Variants in RAPGEF4 observed in about 807,000 individuals in gnomAD.
RAPGEF4 encodes Rap guanine nucleotide exchange factor 4.
Under a neutral mutation model 147.9 loss-of-function variants are expected in RAPGEF4, and 66 were observed. That is an observed-to-expected ratio of 0.45 (90% CI 0.37 to 0.55). RAPGEF4 has a LOEUF of 0.55. Among genes scored for constraint, RAPGEF4 ranks in the 20% least tolerant of loss-of-function variants. The pLI, the probability that RAPGEF4 is intolerant of heterozygous loss-of-function variation, is 0.00. For synonymous variants in RAPGEF4, 419 were observed against 442.7 expected (o/e 0.95, Z 0.67); for missense variants, 1,071 against 1,257.3 (o/e 0.85, Z 2.24).
intron 30 of RAPGEF4, among the ~76,000 whole-genome samples, chr2:173,050,654 G>A (rs115253606): frequency 0.038 from 5,766 of 151,894 alleles, 164 homozygotes; most frequent in South Asian, 0.057. Context: ...CAGAGGTGTT[G>A]GGTCTAAAGA....
chr2:172,796,788 G>A (rs1479632211), intron 2 of RAPGEF4, among the ~76,000 whole-genome samples: 1 of 152,128 alleles, frequency 6.6e-6, no homozygotes, highest in Non-Finnish European at 1.5e-5. Flanking sequence ...TGAGTTACTT[G>A]ACCTCTGACT....
At chr2:172,996,852 A>G (rs1026072072) in intron 16 of RAPGEF4, among the ~76,000 whole-genome samples, 6 of 152,162 alleles carry the variant, frequency 3.9e-5, no homozygotes, top group African/African-American at 1.2e-4. Context: ...ATAGGCATCT[A>G]TTGGGTTTAT....
intron 6 of RAPGEF4, among the ~76,000 whole-genome samples, chr2:172,934,075 T>C (rs1686266449): frequency 1.3e-5 from 2 of 152,012 alleles, no homozygotes; most frequent in African/African-American, 4.8e-5. Flanking sequence ...GTCACAAATT[T>C]CTAATTAATA....
intron 11 of RAPGEF4, among the ~76,000 whole-genome samples, chr2:172,984,575 C>T (rs1203571313): frequency 6.6e-6 from 1 of 152,218 alleles, no homozygotes; most frequent in Non-Finnish European, 1.5e-5. Context: ...TCCAGCCCAG[C>T]CTCCCACCTA....
At chr2:173,026,786 T>C in intron 24 of RAPGEF4, 89 bp downstream of exon 24, 1 of 1,501,468 alleles carries the variant, frequency 6.7e-7, no homozygotes. Context: ...TAATATGTGC[T>C]ACAATATGGA....
At chr2:172,783,959 G>A (rs2149517348) in intron 1 of RAPGEF4, among the ~76,000 whole-genome samples, 1 of 152,252 alleles carries the variant, frequency 6.6e-6, no homozygotes, top group East Asian at 1.9e-4. Flanking sequence ...TGAGTTTAAG[G>A]AGATTTTACA....
At chr2:172,968,083 T>C (rs1262823877) in intron 10 of RAPGEF4, among the ~76,000 whole-genome samples, 1 of 152,196 alleles carries the variant, frequency 6.6e-6, no homozygotes. Flanking sequence ...AGAAAGAATG[T>C]ATTATTAAGC....
chr2:173,025,361 A>G (rs1696557401), intron 23 of RAPGEF4, among the ~76,000 whole-genome samples: 1 of 152,238 alleles, frequency 6.6e-6, no homozygotes, highest in African/African-American at 2.4e-5. Flanking sequence ...GATGAAAATG[A>G]TGATGGAACT....
At chr2:172,881,364 C>T (rs748526454) in intron 4 of RAPGEF4, among the ~76,000 whole-genome samples, 7 of 152,162 alleles carry the variant, frequency 4.6e-5, no homozygotes, top group East Asian at 1.9e-4. Flanking sequence ...ATGAATAAGG[C>T]GAATGCTTTT....
chr2:173,052,418 G>A lies in RAPGEF4; in HGVS notation c.*651G>A, dbSNP rs1448365999. ...GTAACTTTTCAAAATTTACAAATCAGGATTATATACATAAGAATTCCACTA... is the reference window on the plus strand; with the variant it reads ...GTAACTTTTCAAAATTTACAAATCAAGATTATATACATAAGAATTCCACTA... On this transcript the variant is annotated 3_prime_UTR_variant, in exon 31 of 31. Coordinates refer to ENST00000397081, the MANE Select transcript of RAPGEF4 (RefSeq NM_007023.4). 6.6e-6 allele frequency: 1 copy of A among 152,542 alleles called. No individual in the cohort carries two copies. The highest frequency in any genetic ancestry group is 1.5e-5 in the Non-Finnish European group (1 of 68,016). 9.4% of individuals were successfully genotyped at this position (152,542 alleles called of 1,614,324 possible). A position where few individuals can be genotyped will look rare whatever the true frequency, so the allele number is the denominator to read the frequency against.
chr2:172,895,930 A>T (rs939776992), intron 4 of RAPGEF4, among the ~76,000 whole-genome samples: 1 of 152,224 alleles, frequency 6.6e-6, no homozygotes, highest in Non-Finnish European at 1.5e-5. Context: ...TTACATTCCC[A>T]TTGCCCTGGC....
At chr2:172,919,959 C>T (rs909868733) in intron 5 of RAPGEF4, among the ~76,000 whole-genome samples, 1 of 152,124 alleles carries the variant, frequency 6.6e-6, no homozygotes, top group Non-Finnish European at 1.5e-5. Context: ...TCTGCAGCCA[C>T]CTGGCCTTGG....
chr2:173,024,294 T>C (rs1326105593), intron 23 of RAPGEF4, among the ~76,000 whole-genome samples: 1 of 139,442 alleles, frequency 7.2e-6, no homozygotes, highest in African/African-American at 2.5e-5. Flanking sequence ...CTCGGCTCAC[T>C]GCAAGCTCCG....
intron 9 of RAPGEF4, 51 bp downstream of exon 9, chr2:172,965,734 T>C: frequency 4.3e-6 from 7 of 1,611,234 alleles, no homozygotes; most frequent in Non-Finnish European, 5.1e-6. Flanking sequence ...CTAAGTGCAT[T>C]TCCCTGGGTA....
chr2:172,758,279 G>A (rs182069412), intron 1 of RAPGEF4, among the ~76,000 whole-genome samples: 4 of 152,240 alleles, frequency 2.6e-5, no homozygotes, highest in Non-Finnish European at 5.9e-5. Context: ...AAGTGAACAA[G>A]GGAAAGGGTA....
intron 6 of RAPGEF4, among the ~76,000 whole-genome samples, chr2:172,956,600 G>C (rs1482165340): frequency 4.0e-5 from 6 of 151,642 alleles, no homozygotes; most frequent in Non-Finnish European, 7.4e-5. Context: ...CTCCCAAGTA[G>C]CTGGGACTAC....
intron 10 of RAPGEF4, among the ~76,000 whole-genome samples, chr2:172,980,437 G>A (rs553215993): frequency 6.6e-6 from 1 of 152,244 alleles, no homozygotes; most frequent in South Asian, 2.1e-4. Flanking sequence ...ACAAAGCCTT[G>A]GGGGCTGAAC....
At chr2:172,862,962 C>A (rs1291115774) in intron 4 of RAPGEF4, among the ~76,000 whole-genome samples, 1 of 152,070 alleles carries the variant, frequency 6.6e-6, no homozygotes, top group African/African-American at 2.4e-5. Context: ...GGCAGGAAAG[C>A]TGGCTAGAAG....
chr2:172,879,910 A>G (rs530430130), intron 4 of RAPGEF4, among the ~76,000 whole-genome samples: 13 of 152,360 alleles, frequency 8.5e-5, no homozygotes, highest in African/African-American at 3.1e-4. Context: ...GAGACTGTTC[A>G]GGAAACCAAA....
Sources: allele counts gnomAD v4.1 joint callset (sites outside exome capture counted in the v4.1 genomes callset), GRCh38; gene constraint gnomAD v4.1.1; transcripts MANE v1.5; gene names NCBI Gene and HGNC (gene_info 2026-07-23, HGNC 2026-07-21).